The following TRIM5 variants were observed in gnomAD, a reference collection of about 807,000 sequenced individuals.
TRIM5 encodes the protein tripartite motif-containing protein 5.
In TRIM5, 31 loss-of-function variants were observed where a neutral mutation model predicts 35.6. That is an observed-to-expected ratio of 0.87 (90% confidence interval 0.65 to 1.18). The LOEUF (loss-of-function observed/expected upper bound fraction) is 1.18, where lower values mean the gene tolerates loss of function less well. Ranked by LOEUF, TRIM5 falls within the 50% of genes most tolerant of loss-of-function variation. The pLI, the probability that TRIM5 is intolerant of heterozygous loss-of-function variation, is 0.00. For synonymous variants in TRIM5, 243 were observed against 215.6 expected (o/e 1.13, Z -1.11); for missense variants, 609 against 591.6 (o/e 1.03, Z -0.31).
chr11:5,595,942 A>G, the TRIM5 span, among the ~76,000 whole-genome samples: 1 of 151,942 alleles, frequency 6.6e-6, no homozygotes, highest in Non-Finnish European at 1.5e-5. Context: ...CGGCCTCCCA[A>G]AGTGCTGGGA....
the TRIM5 span, among the ~76,000 whole-genome samples, chr11:5,630,945 A>C: frequency 6.6e-6 from 1 of 152,228 alleles, no homozygotes; most frequent in African/African-American, 2.4e-5. Context: ...TAAACACATG[A>C]ATAATTGGCA....
At chr11:5,643,760 A>G in the TRIM5 span, 1 of 1,527,080 alleles carries the variant, frequency 6.5e-7, no homozygotes. Context: ...ATCTCCTGCA[A>G]CTGACTCATC....
the TRIM5 span, chr11:5,642,931 A>C: frequency 6.4e-7 from 1 of 1,560,394 alleles, no homozygotes; most frequent in Non-Finnish European, 8.7e-7. Flanking sequence ...TCTTAGCCTC[A>C]TGCATTCTCA....
At chr11:5,682,431 G>T (rs1422278975) in intron 1 of TRIM5, among the ~76,000 whole-genome samples, 1 of 152,108 alleles carries the variant, frequency 6.6e-6, no homozygotes, top group Admixed American at 6.5e-5. Context: ...CCTGAGTCTG[G>T]ACTTGGTGCC....
At chr11:5,682,917 G>A (rs1029448566) in intron 1 of TRIM5, among the ~76,000 whole-genome samples, 3 of 152,236 alleles carry the variant, frequency 2.0e-5, no homozygotes, top group Non-Finnish European at 4.4e-5. Context: ...GGCCGGAGCT[G>A]GCTCCCTCAG....
At chr11:5,661,959 T>C (rs544193225), downstream of TRIM5, among the ~76,000 whole-genome samples, 1 of 152,344 alleles carries the variant, frequency 6.6e-6, no homozygotes, top group South Asian at 2.1e-4. Flanking sequence ...TGAAAAGGCA[T>C]TAATGTCCCT....
At chr11:5,611,724 A>ACTG in the TRIM5 span, 1 of 210,148 alleles carries the variant, frequency 4.8e-6, no homozygotes, top group Non-Finnish European at 9.6e-6. Flanking sequence ...AAGTGCTGGG[A>ACTG]TTACAGATGT....
At chr11:5,628,161 G>A in the TRIM5 span, among the ~76,000 whole-genome samples, 1 of 152,174 alleles carries the variant, frequency 6.6e-6, no homozygotes, top group African/African-American at 2.4e-5. Context: ...CATTATGGTG[G>A]CAGCAGCTTT....
At chr11:5,645,183 G>A in the TRIM5 span, among the ~76,000 whole-genome samples, 1 of 152,140 alleles carries the variant, frequency 6.6e-6, no homozygotes, top group Non-Finnish European at 1.5e-5. Context: ...CGTGAGGTCA[G>A]GAGTTCAAGA....
At chr11:5,626,306 A>G in the TRIM5 span, among the ~76,000 whole-genome samples, 1 of 152,220 alleles carries the variant, frequency 6.6e-6, no homozygotes, top group African/African-American at 2.4e-5. Flanking sequence ...GTGATCATAG[A>G]CCATATCGAT....
the TRIM5 span, among the ~76,000 whole-genome samples, chr11:5,609,777 G>A: frequency 6.6e-6 from 1 of 152,136 alleles, no homozygotes; most frequent in African/African-American, 2.4e-5. Flanking sequence ...AAGAAAATTA[G>A]CCAGGCGTGG....
chr11:5,649,930 A>G, the TRIM5 span, among the ~76,000 whole-genome samples: 2 of 152,162 alleles, frequency 1.3e-5, no homozygotes, highest in African/African-American at 4.8e-5. Context: ...TTGTCTTGTA[A>G]GGGCCACTTT....
At position 5,663,676 on chromosome 11, in the gene TRIM5, A is replaced by C; in HGVS notation, c.*1133T>G. 1.4e-6 allele frequency: 1 copy of C among 712,310 alleles called. No homozygotes were observed. Among genetic ancestry groups the C allele is most frequent in the Non-Finnish European group, 1.7e-6 (1 of 580,504 alleles). The allele number at this position is 712,310 out of a possible 1,614,324, so 44.1% of individuals were successfully genotyped here. A position where few individuals can be genotyped will look rare whatever the true frequency, so the allele number is the denominator to read the frequency against. Reference sequence around the variant, plus strand: ...ATAAATATACATATTTATGTGGTACAGTGTGATGTTTTGATACATGTATAC... The same window carrying C: ...ATAAATATACATATTTATGTGGTACCGTGTGATGTTTTGATACATGTATAC... On this transcript the variant is annotated 3_prime_UTR_variant, in exon 8 of 8. Coordinates refer to ENST00000380034, the MANE Select transcript of TRIM5 (RefSeq NM_033034.3).
the TRIM5 span, chr11:5,643,383 T>C: frequency 3.7e-6 from 6 of 1,614,144 alleles, no homozygotes; most frequent in Admixed American, 8.3e-5. Flanking sequence ...TGTTAGAAGA[T>C]GTGCAAATCG....
chr11:5,636,850 A>G, the TRIM5 span, among the ~76,000 whole-genome samples: 6 of 152,214 alleles, frequency 3.9e-5, no homozygotes, highest in African/African-American at 1.4e-4. Flanking sequence ...CCAATATGTT[A>G]AGATATAATC....
chr11:5,634,768 T>C, the TRIM5 span: 1 of 1,614,082 alleles, frequency 6.2e-7, no homozygotes, highest in East Asian at 2.2e-5. Flanking sequence ...TTGCAGAGGC[T>C]GAGGATGAGC....
At chr11:5,670,750 C>T (rs904375) in intron 4 of TRIM5, among the ~76,000 whole-genome samples, 45,428 of 151,930 alleles carry the variant, frequency 0.3, 8,611 homozygotes, top group African/African-American at 0.53. Flanking sequence ...AACTTATATT[C>T]GAGATTAGAG....
the TRIM5 span, chr11:5,632,398 A>G: frequency 8.1e-6 from 13 of 1,613,916 alleles, no homozygotes; most frequent in Admixed American, 1.8e-4. Flanking sequence ...GGAGCTGTTG[A>G]CAGAACCCTT....
At chr11:5,657,553 G>C in the TRIM5 span, among the ~76,000 whole-genome samples, 29 of 110,390 alleles carry the variant, frequency 2.6e-4, 1 homozygote, top group African/African-American at 1.1e-3. Context: ...TATATATAAT[G>C]CATTTATATA....
Sources: gnomAD v4.1 joint callset for allele counts (sites outside exome capture counted in the v4.1 genomes callset) on GRCh38, gnomAD v4.1.1 for gene constraint, MANE v1.5 for transcripts, NCBI Gene and HGNC (gene_info 2026-07-23, HGNC 2026-07-21) for gene names.